The following DCAF8L2 variants were observed in gnomAD, a reference collection of about 807,000 sequenced individuals.
DCAF8L2 encodes the protein DDB1 and CUL4 associated factor 8 like 2.
For synonymous variants in DCAF8L2, 200 were observed against 190.9 expected, an observed-to-expected ratio of 1.05 and a Z score of -0.39; for missense variants, 430 against 490.7, an observed-to-expected ratio of 0.88 and a Z score of 1.17.
At chrX:27,481,499 A>G in the DCAF8L2 span, among the ~76,000 whole-genome samples, 1 of 111,931 alleles carries the variant, frequency 8.9e-6, no homozygotes, top group African/African-American at 3.2e-5. Context: ...ATATGTATTT[A>G]AACATTTTTA....
chrX:27,497,566 TTCTTTCTTTCTTTCTTCTTTCCAATGAAG>T, the DCAF8L2 span, among the ~76,000 whole-genome samples: 1 of 89,290 alleles, frequency 1.1e-5, no homozygotes, highest in African/African-American at 5.2e-5. Flanking sequence ...CTTTCTTTCT[TTCTTTCTTTCTTTCTTCTTTCCAATGAAG>T]TCTCACTCTG....
intron 1 of DCAF8L2, among the ~76,000 whole-genome samples, chrX:27,601,709 A>G (rs1477773316): frequency 9.1e-6 from 1 of 110,479 alleles, no homozygotes; most frequent in Non-Finnish European, 1.9e-5. Flanking sequence ...CAAAAAAAAA[A>G]AAAAACAATT....
the DCAF8L2 span, among the ~76,000 whole-genome samples, chrX:27,498,437 A>G: frequency 8.9e-6 from 1 of 112,536 alleles, no homozygotes; most frequent in Admixed American, 9.4e-5. Flanking sequence ...AAAATTGACA[A>G]AGAAATAAAA....
chrX:27,506,308 G>T, the DCAF8L2 span, among the ~76,000 whole-genome samples: 2 of 111,572 alleles, frequency 1.8e-5, no homozygotes, highest in Non-Finnish European at 3.8e-5. Context: ...CACTCCAAAA[G>T]AACTTTGTAC....
the DCAF8L2 span, among the ~76,000 whole-genome samples, chrX:27,550,899 T>A: frequency 9.0e-6 from 1 of 111,501 alleles, no homozygotes; most frequent in Non-Finnish European, 1.9e-5. Context: ...CAATATTATG[T>A]GCTCACTTCG....
At chrX:27,721,987 T>G (rs1931914634) in intron 4 of DCAF8L2, among the ~76,000 whole-genome samples, 1 of 111,807 alleles carries the variant, frequency 8.9e-6, no homozygotes, top group African/African-American at 3.2e-5. Context: ...ATTCACCTAT[T>G]CATGAGTACA....
chrX:27,708,099 T>C (rs1456718014), intron 3 of DCAF8L2, among the ~76,000 whole-genome samples: 1 of 111,342 alleles, frequency 9.0e-6, no homozygotes, highest in Admixed American at 9.6e-5. Flanking sequence ...GTACAATTGA[T>C]TCCCCTCACT....
At chrX:27,572,109 C>G in the DCAF8L2 span, among the ~76,000 whole-genome samples, 1 of 111,475 alleles carries the variant, frequency 9.0e-6, no homozygotes, top group East Asian at 2.8e-4. Context: ...AAACACAATC[C>G]CCTTTTCTTT....
the DCAF8L2 span, among the ~76,000 whole-genome samples, chrX:27,524,064 C>A: frequency 8.9e-6 from 1 of 111,786 alleles, no homozygotes; most frequent in African/African-American, 3.2e-5. Context: ...AGGGAGGATT[C>A]CCTCTTTTTC....
chrX:27,585,277 T>C, the DCAF8L2 span, among the ~76,000 whole-genome samples: 1 of 111,428 alleles, frequency 9.0e-6, no homozygotes, highest in Non-Finnish European at 1.9e-5. Flanking sequence ...GTAGTCTCAG[T>C]CTTAATATTG....
intron 2 of DCAF8L2, among the ~76,000 whole-genome samples, chrX:27,635,511 C>T (rs1928463578): frequency 9.0e-6 from 1 of 111,058 alleles, no homozygotes; most frequent in African/African-American, 3.3e-5. Context: ...AAATAAAATG[C>T]TATTAAGATT....
At chrX:27,501,638 A>G in the DCAF8L2 span, among the ~76,000 whole-genome samples, 1 of 111,145 alleles carries the variant, frequency 9.0e-6, no homozygotes, top group African/African-American at 3.3e-5. Flanking sequence ...GCAAGAGATC[A>G]AACCTGGAGA....
chrX:27,738,369 C>T lies in DCAF8L2; in HGVS notation c.-58-8469C>T, dbSNP rs1921655257. Among the ~76,000 whole-genome samples, 3 of 111,850 alleles carry T rather than the reference C, an allele frequency of 2.7e-5. No individual in the cohort carries two copies. The Admixed American group carries it at 2.8e-4, about 11-fold the overall frequency. On this transcript the variant is annotated intron_variant, in intron 4 of 4. Coordinates refer to ENST00000451261, the MANE Select transcript of DCAF8L2 (RefSeq NM_001353450.2). The stretch of plus-strand genomic sequence containing the variant: ...TTGCAGGCCTAGTTGAACACATTTG[C>T]TGATCAGAGCAAACTTTGACTTTTC...
intron 1 of DCAF8L2, among the ~76,000 whole-genome samples, chrX:27,624,716 C>G (rs1017735997): frequency 9.0e-6 from 1 of 111,340 alleles, no homozygotes; most frequent in Admixed American, 9.6e-5. Context: ...CTACAACCAT[C>G]TGATCTTTGA....
intron 2 of DCAF8L2, among the ~76,000 whole-genome samples, chrX:27,659,131 G>A (rs1167671711): frequency 9.0e-6 from 1 of 111,659 alleles, no homozygotes; most frequent in African/African-American, 3.3e-5. Flanking sequence ...GCCTGCAACA[G>A]TGCAAGAGAA....
chrX:27,558,765 C>A, the DCAF8L2 span, among the ~76,000 whole-genome samples: 7 of 98,370 alleles, frequency 7.1e-5, no homozygotes, highest in African/African-American at 2.6e-4. Flanking sequence ...CCCCCTCCCC[C>A]CAACCCACAA....
intron 2 of DCAF8L2, among the ~76,000 whole-genome samples, chrX:27,662,330 A>G (rs1929587457): frequency 9.0e-6 from 1 of 111,427 alleles, no homozygotes; most frequent in South Asian, 3.7e-4. Flanking sequence ...TAGGAAGAAT[A>G]TATATGCACA....
chrX:27,521,875 A>G, the DCAF8L2 span, among the ~76,000 whole-genome samples: 3 of 112,287 alleles, frequency 2.7e-5, no homozygotes, highest in African/African-American at 9.7e-5. Flanking sequence ...TAATGTTGCT[A>G]CTGATACATG....
At chrX:27,527,264 C>G in the DCAF8L2 span, among the ~76,000 whole-genome samples, 2 of 111,838 alleles carry the variant, frequency 1.8e-5, no homozygotes, top group Non-Finnish European at 3.8e-5. Context: ...CCTTGCAGTT[C>G]GATCTCAGAC....
Sources: allele counts gnomAD v4.1 joint callset (sites outside exome capture counted in the v4.1 genomes callset), GRCh38; gene constraint gnomAD v4.1.1; transcripts MANE v1.5; gene names NCBI Gene and HGNC (gene_info 2026-07-23, HGNC 2026-07-21).